The following POU6F2 variants were observed in gnomAD, a reference collection of about 807,000 sequenced individuals.
The protein encoded by POU6F2 is POU domain, class 6, transcription factor 2.
In POU6F2, 31 loss-of-function variants were observed where a neutral mutation model predicts 71.3. The ratio of observed to expected loss-of-function variants is 0.43; its 90% CI spans 0.33 to 0.59. The LOEUF (loss-of-function observed/expected upper bound fraction) is 0.59, where lower values mean the gene tolerates loss of function less well. Ranked by LOEUF, POU6F2 falls within the 20% of genes least tolerant of loss-of-function variation. POU6F2 has a pLI of 0.04. For synonymous variants in POU6F2, 347 were observed against 355.7 expected (o/e 0.98, Z 0.27); for missense variants, 783 against 856.8 (o/e 0.91, Z 1.07).
intron 6 of POU6F2, among the ~76,000 whole-genome samples, chr7:39,420,853 C>A (rs1234468071): frequency 6.6e-6 from 1 of 152,144 alleles, no homozygotes; most frequent in Non-Finnish European, 1.5e-5. Flanking sequence ...TGCCAAAATT[C>A]ATGCTATCAG....
At chr7:39,451,961 C>G (rs1445195634) in intron 8 of POU6F2, among the ~76,000 whole-genome samples, 1 of 152,204 alleles carries the variant, frequency 6.6e-6, no homozygotes, top group Non-Finnish European at 1.5e-5. Context: ...TAAGTAGTTG[C>G]TGATGTGCTG....
At chr7:39,196,229 A>G (rs548290472) in intron 2 of POU6F2, among the ~76,000 whole-genome samples, 11 of 152,310 alleles carry the variant, frequency 7.2e-5, no homozygotes, top group African/African-American at 2.6e-4. Context: ...GGCAGGTGAC[A>G]CCTTTCGAAT....
chr7:38,991,958 C>T (rs1788614876), intron 1 of POU6F2, among the ~76,000 whole-genome samples: 1 of 151,902 alleles, frequency 6.6e-6, no homozygotes, highest in African/African-American at 2.4e-5. Context: ...TGGAATTGGC[C>T]CATAATCATC....
At chr7:39,092,574 G>T (rs1791379637) in intron 2 of POU6F2, among the ~76,000 whole-genome samples, 1 of 152,044 alleles carries the variant, frequency 6.6e-6, no homozygotes, top group African/African-American at 2.4e-5. Flanking sequence ...TTTTCTTTGG[G>T]AATACCTTCA....
chr7:39,338,387 A>G (rs777786496), intron 4 of POU6F2, among the ~76,000 whole-genome samples: 3 of 152,188 alleles, frequency 2.0e-5, no homozygotes, highest in African/African-American at 4.8e-5. Context: ...TGCCATCTCT[A>G]TCTCTACGAT....
chr7:39,427,486 C>A (rs1180325079), intron 6 of POU6F2, among the ~76,000 whole-genome samples: 1 of 152,104 alleles, frequency 6.6e-6, no homozygotes, highest in African/African-American at 2.4e-5. Flanking sequence ...AGTTTTCACG[C>A]AAATTATTCC....
intron 4 of POU6F2, among the ~76,000 whole-genome samples, chr7:39,242,170 G>A (rs189644027): frequency 4.2e-4 from 64 of 152,142 alleles, no homozygotes; most frequent in Admixed American, 8.5e-4. Context: ...CACTGTAAAC[G>A]TTTGCATATA....
chr7:39,267,068 G>T (rs1015720181), intron 4 of POU6F2, among the ~76,000 whole-genome samples: 1 of 152,118 alleles, frequency 6.6e-6, no homozygotes, highest in Non-Finnish European at 1.5e-5. Context: ...ACATGACCAA[G>T]AATTATTTTG....
chr7:39,209,009 T>G (rs769450700), intron 4 of POU6F2, among the ~76,000 whole-genome samples: 13 of 152,144 alleles, frequency 8.5e-5, no homozygotes, highest in Non-Finnish European at 1.9e-4. Context: ...TCCTAGGCCA[T>G]GAATTAATCC....
chr7:39,402,568 C>T (rs574173513), intron 5 of POU6F2, among the ~76,000 whole-genome samples: 219 of 152,136 alleles, frequency 1.4e-3, no homozygotes, highest in Non-Finnish European at 2.4e-3. Context: ...ATGAGGAAAA[C>T]GTACTATAAA....
intron 4 of POU6F2, among the ~76,000 whole-genome samples, chr7:39,217,532 A>G (rs1217405229): frequency 2.0e-5 from 3 of 152,246 alleles, no homozygotes; most frequent in Non-Finnish European, 4.4e-5. Context: ...GAAAAGGGCC[A>G]TGCAGTACCT....
At chr7:39,451,408 T>C (rs2116117359) in intron 7 of POU6F2, 125 bp from the exon 8 acceptor site, 1 of 1,060,408 alleles carries the variant, frequency 9.4e-7, no homozygotes, top group South Asian at 1.7e-5. Context: ...GGGTGCGCAC[T>C]CTTCCTGAGA....
chr7:39,308,858 G>T (rs540009320), intron 4 of POU6F2, among the ~76,000 whole-genome samples: 1 of 152,248 alleles, frequency 6.6e-6, no homozygotes, highest in South Asian at 2.1e-4. Flanking sequence ...TTCCCCCTGC[G>T]GGTGCCAGGA....
chr7:39,233,873 G>A (rs149306716), intron 4 of POU6F2, among the ~76,000 whole-genome samples: 6 of 152,156 alleles, frequency 3.9e-5, no homozygotes, highest in Admixed American at 2.6e-4. Context: ...TGTGTTTTCC[G>A]GGCTTCTGGT....
chr7:39,149,505 T>C (rs931714505), intron 2 of POU6F2, among the ~76,000 whole-genome samples: 2 of 152,242 alleles, frequency 1.3e-5, no homozygotes, highest in African/African-American at 4.8e-5. Context: ...TCATCTCACA[T>C]AATTATAATT....
At chr7:39,207,089 A>G (rs1428715983) in intron 3 of POU6F2, among the ~76,000 whole-genome samples, 1 of 152,246 alleles carries the variant, frequency 6.6e-6, no homozygotes, top group African/African-American at 2.4e-5. Context: ...AGCTTCAAAT[A>G]TATGAAGATA....
intron 2 of POU6F2, among the ~76,000 whole-genome samples, chr7:39,113,226 CTGTTT>C (rs1791860161): frequency 6.6e-6 from 1 of 152,094 alleles, no homozygotes; most frequent in East Asian, 1.9e-4. Flanking sequence ...TTTTTTCGTT[CTGTTT>C]TATTTTATTT....
Position 39,406,677 on chromosome 7 carries a change from T to G in POU6F2, c.1050T>G (p.Phe350Leu), listed in dbSNP as rs1388432048. 1 of 1,613,648 alleles carries G rather than the reference T, an allele frequency of 6.2e-7. No homozygotes were observed. Among genetic ancestry groups the G allele is most frequent in the African/African-American group, 1.3e-5 (1 of 74,878 alleles). Residue 350 changes from phenylalanine (F) to leucine (L), a missense_variant, in exon 6 of 10, where the codon TTT (phenylalanine) becomes TTG (leucine). This residue lies in a region of POU6F2 where 572 missense variants were observed against 572.9 expected (regional missense o/e 1.00). Transcript: ENST00000518318. ...AMSSIASSQA[F>L]GNALSSLQGV... ...GCTCCATAGCAAGCTCACAGGCCTTTGGCAATGCCCTCTCCAGTCTTCAGG... is the reference window on the plus strand; with the variant it reads ...GCTCCATAGCAAGCTCACAGGCCTTGGGCAATGCCCTCTCCAGTCTTCAGG...
At chr7:39,183,694 G>A (rs12534891) in intron 2 of POU6F2, among the ~76,000 whole-genome samples, 4,558 of 152,262 alleles carry the variant, frequency 0.03, 101 homozygotes, top group Admixed American at 0.083. Flanking sequence ...GTCCCTGGTA[G>A]CAAAAAGTTT....
Sources: allele counts gnomAD v4.1 joint callset (sites outside exome capture counted in the v4.1 genomes callset), GRCh38; gene constraint gnomAD v4.1.1; regional missense constraint gnomAD v4.1.1; transcripts MANE v1.5; gene names NCBI Gene and HGNC (gene_info 2026-07-23, HGNC 2026-07-21).